CECR2: variants seen among roughly 807,000 people sequenced by gnomAD.
CECR2 encodes the protein CECR2 histone acetyl-lysine reader.
Under a neutral mutation model 154.5 loss-of-function variants are expected in CECR2, and 30 were observed. The observed-to-expected ratio is 0.19, with a 90% CI of 0.15 to 0.26. The LOEUF (loss-of-function observed/expected upper bound fraction) is 0.26. CECR2 is among the 10% of genes least tolerant of loss of function. The probability of loss-of-function intolerance (pLI) is 1.00; values close to 1 mark genes in which losing one functional copy is unlikely to be tolerated. For synonymous variants in CECR2, 725 were observed against 683.7 expected, an observed-to-expected ratio of 1.06 and a Z score of -0.94; for missense variants, 1,743 against 1,829.3, an observed-to-expected ratio of 0.95 and a Z score of 0.86.
intron 1 of CECR2, among the ~76,000 whole-genome samples, chr22:17,417,299 A>G (rs2054171045): frequency 6.6e-6 from 1 of 151,124 alleles, no homozygotes; most frequent in Non-Finnish European, 1.5e-5. Flanking sequence ...ATCACTGTCA[A>G]GTTTTGACAA....
chr22:17,530,628 GATC>G (rs2146987053), intron 9 of CECR2, among the ~76,000 whole-genome samples: 1 of 151,502 alleles, frequency 6.6e-6, no homozygotes, highest in South Asian at 2.1e-4. Flanking sequence ...AGTGAGCTGA[GATC>G]ATGCCACTGC....
At chr22:17,546,793 C>T (rs2056621038) in intron 16 of CECR2, among the ~76,000 whole-genome samples, 1 of 151,934 alleles carries the variant, frequency 6.6e-6, no homozygotes, top group Non-Finnish European at 1.5e-5. Flanking sequence ...AATCCCAGCA[C>T]TTTGGGAGGC....
chr22:17,428,896 A>T (rs1364213296), intron 1 of CECR2, among the ~76,000 whole-genome samples: 24 of 151,562 alleles, frequency 1.6e-4, no homozygotes. Context: ...TGCTCAAGAG[A>T]GACAAATGTT....
chr22:17,375,748 A>G (rs1261481618), intron 1 of CECR2, among the ~76,000 whole-genome samples: 1 of 151,996 alleles, frequency 6.6e-6, no homozygotes, highest in Non-Finnish European at 1.5e-5. Context: ...TGAGGTCAGG[A>G]GTTCAGGACC....
intron 16 of CECR2, among the ~76,000 whole-genome samples, chr22:17,544,042 C>G (rs918159510): frequency 6.6e-6 from 1 of 152,200 alleles, no homozygotes. Flanking sequence ...GCTTTACCCA[C>G]TGCATCATCA....
At position 17,549,195 on chromosome 22, in the gene CECR2, A is replaced by G. The variant is rs2056665628; in HGVS notation, c.3908A>G (p.Asn1303Ser). The change falls in exon 17 of 19, where the codon AAC becomes AGC. Residue 1303 changes from asparagine (N) to serine (S), a missense_variant. This residue lies in a region of CECR2 where 1,250 missense variants were observed against 1,192.1 expected (regional missense o/e 1.05). Coordinates refer to ENST00000262608, the MANE Select transcript of CECR2 (RefSeq NM_001290047.2). Reference sequence around the variant, plus strand: ...GAATTTTTAGACCTGGACAACCATAACGCAGCTACCAAGCGGCAGAGCTCG... The same window carrying G: ...GAATTTTTAGACCTGGACAACCATAGCGCAGCTACCAAGCGGCAGAGCTCG... ...PKEFLDLDNH[N>S]AATKRQSSLS... is the part of the protein sequence containing the mutation. 1 of 1,613,914 alleles carries G rather than the reference A, an allele frequency of 6.2e-7. No homozygotes were observed. Among genetic ancestry groups the G allele is most frequent in the African/African-American group, 1.3e-5 (1 of 74,922 alleles).
At chr22:17,414,098 G>A (rs1484357015) in intron 1 of CECR2, among the ~76,000 whole-genome samples, 4 of 151,992 alleles carry the variant, frequency 2.6e-5, no homozygotes, top group East Asian at 1.9e-4. Flanking sequence ...TCAGCCTTCT[G>A]AGTAGCTGGG....
intron 7 of CECR2, 42 bp downstream of exon 7, chr22:17,505,058 TG>T: frequency 6.3e-7 from 1 of 1,576,456 alleles, no homozygotes; most frequent in Non-Finnish European, 8.6e-7. Flanking sequence ...GTGTTAGGCC[TG>T]ATGCTGCATT....
At chr22:17,551,462 T>C (rs1569161185) in intron 17 of CECR2, among the ~76,000 whole-genome samples, 1 of 152,220 alleles carries the variant, frequency 6.6e-6, no homozygotes, top group Non-Finnish European at 1.5e-5. Flanking sequence ...CCAGGCCAGT[T>C]ATCATGGAGA....
intron 1 of CECR2, among the ~76,000 whole-genome samples, chr22:17,475,156 A>G (rs1458024859): frequency 1.3e-5 from 2 of 152,146 alleles, no homozygotes; most frequent in African/African-American, 4.8e-5. Context: ...AAGACTTTGC[A>G]GATAAAGTTT....
At chr22:17,398,365 G>A (rs549760834) in intron 1 of CECR2, among the ~76,000 whole-genome samples, 2 of 152,128 alleles carry the variant, frequency 1.3e-5, no homozygotes, top group African/African-American at 2.4e-5. Flanking sequence ...TGAGGGTTGA[G>A]TCTGGGGTGA....
chr22:17,389,751 C>A (rs1294838306), intron 1 of CECR2, among the ~76,000 whole-genome samples: 1 of 152,306 alleles, frequency 6.6e-6, no homozygotes, highest in Non-Finnish European at 1.5e-5. Flanking sequence ...CCTCAGCCTC[C>A]CAAGTAGCTG....
At chr22:17,381,132 T>A (rs8140339) in intron 1 of CECR2, among the ~76,000 whole-genome samples, 90,399 of 151,160 alleles carry the variant, frequency 0.6, 27,359 homozygotes, top group East Asian at 0.71. Flanking sequence ...AAAGAAAAAA[T>A]TTCACCTGTT....
chr22:17,466,058 A>G (rs1052145639), intron 1 of CECR2, among the ~76,000 whole-genome samples: 2 of 152,012 alleles, frequency 1.3e-5, no homozygotes, highest in African/African-American at 4.8e-5. Context: ...GTCTTGCGCC[A>G]TCACGCAGGC....
chr22:17,517,619 AC>A (rs1158772571), intron 8 of CECR2, among the ~76,000 whole-genome samples: 4 of 152,242 alleles, frequency 2.6e-5, no homozygotes. Context: ...CCGGTTAAAT[AC>A]AGTTTTAATT....
At position 17,542,734 on chromosome 22, in the gene CECR2, G is replaced by A. The variant is rs773592361; in HGVS notation, c.2591G>A (p.Gly864Glu). The A allele has an allele frequency of 6.2e-7, 1 of 1,613,962 alleles. No individual in the cohort carries two copies. The highest frequency in any genetic ancestry group is 8.5e-7 in the Non-Finnish European group (1 of 1,179,882). Residue 864 changes from glycine (G) to glutamate (E), a missense_variant, in exon 16 of 19, where the codon GGA (glycine) becomes GAA (glutamate). Gly to Glu is a moderately conservative substitution (Grantham distance 98). Around this residue, in one of 4 missense-constraint regions of CECR2, gnomAD observed 1,250 missense variants for 1,192.1 expected, o/e 1.05. Transcript: ENST00000262608. Reference protein sequence around the residue: ...PPVPAPSSLFGAPAQALRGVQ... With the variant: ...PPVPAPSSLFEAPAQALRGVQ... ...GTGCCAGCACCCAGTTCTTTGTTTG[G>A]AGCACCTGCCCAGGCTCTTCGGGGG...
intron 7 of CECR2, among the ~76,000 whole-genome samples, chr22:17,508,919 A>G (rs548729810): frequency 6.6e-6 from 1 of 152,322 alleles, no homozygotes; most frequent in East Asian, 1.9e-4. Context: ...TATCCAGTGT[A>G]ACACAATAAA....
At chr22:17,512,360 A>G (rs1431860511) in intron 8 of CECR2, among the ~76,000 whole-genome samples, 1 of 152,078 alleles carries the variant, frequency 6.6e-6, no homozygotes, top group Non-Finnish European at 1.5e-5. Flanking sequence ...GAGACAGGAA[A>G]TTATATAAAT....
Position 17,453,762 on chromosome 22 carries a change from A to G in CECR2, c.127-23826A>G, listed in dbSNP as rs143059025. 3.0e-3 allele frequency among the ~76,000 whole-genome samples: 450 copies of G among 152,324 alleles called. 1 individual carries two copies. The highest frequency in any genetic ancestry group is 0.02 in the Middle Eastern group (6 of 294). On this transcript the variant is annotated intron_variant, in intron 1 of 18. Transcript: ENST00000262608. Reference sequence around the variant, plus strand: ...TTGTCTGAAATTTCACATTCCTGAAAACTTTAAATGAGTGAAGGTCATGTA... The same window carrying G: ...TTGTCTGAAATTTCACATTCCTGAAGACTTTAAATGAGTGAAGGTCATGTA...
Sources: allele counts gnomAD v4.1 joint callset (sites outside exome capture counted in the v4.1 genomes callset), GRCh38; gene constraint gnomAD v4.1.1; regional missense constraint gnomAD v4.1.1; transcripts MANE v1.5; gene names NCBI Gene and HGNC (gene_info 2026-07-23, HGNC 2026-07-21).